Variants in ROBO1 observed in about 807,000 individuals in gnomAD.
ROBO1 encodes the protein roundabout guidance receptor 1.
A neutral mutation model predicts 195.9 loss-of-function variants in ROBO1; 149 were observed. That is an observed-to-expected ratio of 0.76 (90% CI 0.67 to 0.87). The LOEUF (loss-of-function observed/expected upper bound fraction) is 0.87, where lower values mean the gene tolerates loss of function less well. Ranked by LOEUF, ROBO1 falls within the 40% of genes least tolerant of loss-of-function variation. The probability of loss-of-function intolerance (pLI) is 0.00; values close to 1 mark genes in which losing one functional copy is unlikely to be tolerated. For synonymous variants in ROBO1, 816 were observed against 733.2 expected (o/e 1.11, Z -1.82); for missense variants, 1,933 against 2,068.3 (o/e 0.93, Z 1.27).
At chr3:79,105,410 G>A (rs1358230340) in intron 3 of ROBO1, among the ~76,000 whole-genome samples, 2 of 151,648 alleles carry the variant, frequency 1.3e-5, no homozygotes, top group African/African-American at 4.8e-5. Flanking sequence ...GATATAATAC[G>A]ATTGTACACC....
chr3:78,928,458 G>T (rs1228544427), intron 4 of ROBO1, among the ~76,000 whole-genome samples: 1 of 151,976 alleles, frequency 6.6e-6, no homozygotes, highest in African/African-American at 2.4e-5. Context: ...AAGAAGAAAA[G>T]AAAAAGAAAA....
intron 23 of ROBO1, 116 bp downstream of exon 23, chr3:78,635,657 A>C (rs879336195): frequency 3.3e-6 from 3 of 904,288 alleles, no homozygotes; most frequent in Non-Finnish European, 3.2e-6. Context: ...AAATAAGAAA[A>C]TCTCAGCGAC....
intron 2 of ROBO1, among the ~76,000 whole-genome samples, chr3:79,273,511 C>T (rs2030758005): frequency 6.6e-6 from 1 of 151,716 alleles, no homozygotes; most frequent in South Asian, 2.1e-4. Context: ...AATCCTATGA[C>T]AGATACACAA....
At chr3:79,150,618 C>T (rs2080748186) in intron 2 of ROBO1, among the ~76,000 whole-genome samples, 1 of 151,476 alleles carries the variant, frequency 6.6e-6, no homozygotes, top group East Asian at 1.9e-4. Context: ...AGCATACAGG[C>T]CCCCAAATTC....
At chr3:79,635,362 A>G (rs1169195289) in intron 1 of ROBO1, among the ~76,000 whole-genome samples, 1 of 152,154 alleles carries the variant, frequency 6.6e-6, no homozygotes, top group African/African-American at 2.4e-5. Flanking sequence ...TAAAACCATA[A>G]TGTTCCTACC....
intron 2 of ROBO1, among the ~76,000 whole-genome samples, chr3:79,256,766 ATATCT>A (rs1295076212): frequency 6.6e-6 from 1 of 152,168 alleles, no homozygotes; most frequent in Non-Finnish European, 1.5e-5. Flanking sequence ...TAAGGTAGAG[ATATCT>A]TAACTTTTAA....
At chr3:78,601,694 T>A (rs1440977489) in intron 29 of ROBO1, among the ~76,000 whole-genome samples, 1 of 152,198 alleles carries the variant, frequency 6.6e-6, no homozygotes, top group African/African-American at 2.4e-5. Context: ...TGAAAAGCAA[T>A]TTGGATTCAA....
chr3:78,885,130 C>T (rs1240292875), intron 4 of ROBO1, among the ~76,000 whole-genome samples: 1 of 151,978 alleles, frequency 6.6e-6, no homozygotes, highest in Non-Finnish European at 1.5e-5. Flanking sequence ...GGGCTAGAGG[C>T]CATTATCCTT....
intron 2 of ROBO1, among the ~76,000 whole-genome samples, chr3:79,346,496 C>T (rs892270808): frequency 6.6e-6 from 1 of 151,756 alleles, no homozygotes; most frequent in Non-Finnish European, 1.5e-5. Context: ...CCTATTAACT[C>T]TTTAAGAAAA....
chr3:79,408,227 AAAAAAAAT>A, intron 2 of ROBO1, among the ~76,000 whole-genome samples: 1 of 126,748 alleles, frequency 7.9e-6, no homozygotes, highest in South Asian at 2.7e-4. Flanking sequence ...TCAAAAAAAT[AAAAAAAAT>A]AAAAAAAATT....
At chr3:79,162,318 G>T (rs1191906712) in intron 2 of ROBO1, among the ~76,000 whole-genome samples, 1 of 152,040 alleles carries the variant, frequency 6.6e-6, no homozygotes, top group Non-Finnish European at 1.5e-5. Context: ...AATTTAATAG[G>T]AGGAAAGAAG....
intron 4 of ROBO1, among the ~76,000 whole-genome samples, chr3:78,853,022 G>C (rs2034170790): frequency 6.6e-6 from 1 of 152,106 alleles, no homozygotes; most frequent in Non-Finnish European, 1.5e-5. Flanking sequence ...AAAAAAGAAG[G>C]AACAGATTGG....
chr3:78,779,145 T>C (rs1051287417), intron 4 of ROBO1, among the ~76,000 whole-genome samples: 4 of 151,966 alleles, frequency 2.6e-5, no homozygotes, highest in African/African-American at 9.7e-5. Context: ...CCTAAAACCA[T>C]AAAAACCCTA....
At chr3:79,739,566 T>C in intron 1 of ROBO1, among the ~76,000 whole-genome samples, 1 of 150,544 alleles carries the variant, frequency 6.6e-6, no homozygotes, top group South Asian at 2.1e-4. Flanking sequence ...CAAAAGAACA[T>C]GTTTCAATTA....
At chr3:79,601,115 C>T (rs756084629) in intron 1 of ROBO1, among the ~76,000 whole-genome samples, 1 of 151,834 alleles carries the variant, frequency 6.6e-6, no homozygotes, top group South Asian at 2.1e-4. Flanking sequence ...ATGTTCATCC[C>T]AGAAGTGAAC....
chr3:78,956,926 G>A (rs964972958), intron 3 of ROBO1, among the ~76,000 whole-genome samples: 9 of 152,036 alleles, frequency 5.9e-5, no homozygotes, highest in African/African-American at 1.7e-4. Flanking sequence ...AATTAACAGA[G>A]GTGAAAGTTG....
At chr3:79,145,922 A>G (rs1165410615) in intron 2 of ROBO1, among the ~76,000 whole-genome samples, 3 of 151,972 alleles carry the variant, frequency 2.0e-5, no homozygotes, top group East Asian at 3.9e-4. Context: ...TCTACTGTAG[A>G]TGATGTGATT....
At chr3:79,489,982 T>C (rs1575904380) in intron 2 of ROBO1, among the ~76,000 whole-genome samples, 1 of 152,348 alleles carries the variant, frequency 6.6e-6, no homozygotes, top group Non-Finnish European at 1.5e-5. Context: ...TTTGTTGATC[T>C]TTGAAAGAGA....
intron 2 of ROBO1, among the ~76,000 whole-genome samples, chr3:79,549,061 G>T (rs1942379528): frequency 6.6e-6 from 1 of 152,122 alleles, no homozygotes. Flanking sequence ...TAGGATTTCG[G>T]TCTTCCATTG....
Sources: allele counts gnomAD v4.1 joint callset (sites outside exome capture counted in the v4.1 genomes callset), GRCh38; gene constraint gnomAD v4.1.1; transcripts MANE v1.5; gene names NCBI Gene and HGNC (gene_info 2026-07-23, HGNC 2026-07-21).